The following TBC1D12 variants were observed in gnomAD, a reference collection of about 807,000 sequenced individuals.
TBC1D12 encodes the protein TBC1 domain family, member 12.
Under a neutral mutation model 86.7 loss-of-function variants are expected in TBC1D12, and 56 were observed. The observed-to-expected ratio is 0.65, with a 90% CI of 0.52 to 0.81. The LOEUF is 0.81. TBC1D12 is among the 30% of genes least tolerant of loss of function. The probability of loss-of-function intolerance (pLI) is 0.00; values close to 1 mark genes in which losing one functional copy is unlikely to be tolerated. For missense variants in TBC1D12, 1,023 were observed against 1,038.8 expected (o/e 0.98, Z 0.21); for synonymous variants, 421 against 411.7 (o/e 1.02, Z -0.27).
intron 1 of TBC1D12, among the ~76,000 whole-genome samples, chr10:94,405,046 C>G (rs1473252219): frequency 2.7e-5 from 3 of 112,338 alleles, no homozygotes; most frequent in South Asian, 2.9e-4. Flanking sequence ...AGACTTCTCT[C>G]AAAAAAAAAA....
intron 2 of TBC1D12, among the ~76,000 whole-genome samples, chr10:94,464,453 A>C (rs2055776860): frequency 6.6e-6 from 1 of 152,046 alleles, no homozygotes; most frequent in Non-Finnish European, 1.5e-5. Context: ...TCTTAGTCTC[A>C]TGATACCTTT....
At chr10:94,463,348 A>G (rs1347321473) in intron 2 of TBC1D12, among the ~76,000 whole-genome samples, 2 of 152,190 alleles carry the variant, frequency 1.3e-5, no homozygotes, top group African/African-American at 4.8e-5. Context: ...TCATCTGGTA[A>G]GAGTCCTCTT....
chr10:94,471,278 CA>C (rs556285067), intron 2 of TBC1D12, among the ~76,000 whole-genome samples: 4,346 of 65,976 alleles, frequency 0.066, 64 homozygotes, highest in Middle Eastern at 0.11. Context: ...TCTGTATCTC[CA>C]AAAAAAAAAA....
At chr10:94,520,037 A>G (rs1449888107) in intron 9 of TBC1D12, among the ~76,000 whole-genome samples, 1 of 152,236 alleles carries the variant, frequency 6.6e-6, no homozygotes, top group African/African-American at 2.4e-5. Context: ...AGAAAATCAA[A>G]TAGGCAATTA....
intron 1 of TBC1D12, among the ~76,000 whole-genome samples, chr10:94,438,751 G>T (rs1004941463): frequency 3.9e-5 from 6 of 151,964 alleles, no homozygotes; most frequent in African/African-American, 1.5e-4. Flanking sequence ...GGTTTGGTCA[G>T]TTCCTAGAGT....
At chr10:94,506,711 T>C (rs1430987951) in intron 6 of TBC1D12, among the ~76,000 whole-genome samples, 1 of 152,204 alleles carries the variant, frequency 6.6e-6, no homozygotes, top group Non-Finnish European at 1.5e-5. Flanking sequence ...GTGTGAAATA[T>C]AAGTAGCTTT....
intron 2 of TBC1D12, among the ~76,000 whole-genome samples, chr10:94,453,423 G>T (rs997221586): frequency 2.0e-5 from 3 of 152,128 alleles, no homozygotes; most frequent in Admixed American, 2.0e-4. Flanking sequence ...GTGTGTGAGA[G>T]AACACATTCA....
intron 1 of TBC1D12, among the ~76,000 whole-genome samples, chr10:94,408,853 C>CT (rs1564933436): frequency 6.6e-6 from 1 of 152,116 alleles, no homozygotes. Flanking sequence ...AAGTGGGCAG[C>CT]TTTTTAATAC....
At chr10:94,406,762 G>A (rs979857233) in intron 1 of TBC1D12, among the ~76,000 whole-genome samples, 4 of 152,204 alleles carry the variant, frequency 2.6e-5, no homozygotes, top group African/African-American at 9.7e-5. Flanking sequence ...TTTGGAAGTG[G>A]CTTGTTTGGG....
chr10:94,446,393 T>G (rs1433830288), intron 2 of TBC1D12, among the ~76,000 whole-genome samples: 1 of 152,148 alleles, frequency 6.6e-6, no homozygotes, highest in African/African-American at 2.4e-5. Flanking sequence ...AGCTGGTAAT[T>G]TAGGTGTGAA....
intron 1 of TBC1D12, among the ~76,000 whole-genome samples, chr10:94,434,074 C>T (rs2055258254): frequency 1.3e-5 from 2 of 152,146 alleles, no homozygotes; most frequent in African/African-American, 4.8e-5. Flanking sequence ...TGTGAATTGA[C>T]CCTAAGAAGG....
chr10:94,429,307 A>G (rs1019039621), intron 1 of TBC1D12, among the ~76,000 whole-genome samples: 4 of 151,942 alleles, frequency 2.6e-5, no homozygotes, highest in Admixed American at 2.6e-4. Flanking sequence ...TTTAATTTTT[A>G]GGATTTGTAA....
chr10:94,498,547 G>A (rs1237731242), intron 5 of TBC1D12, among the ~76,000 whole-genome samples: 1 of 151,902 alleles, frequency 6.6e-6, no homozygotes, highest in African/African-American at 2.4e-5. Context: ...TCTACCTCCT[G>A]GATTCAGACG....
At chr10:94,487,872 T>TG (rs1404812631) in intron 3 of TBC1D12, among the ~76,000 whole-genome samples, 1 of 121,546 alleles carries the variant, frequency 8.2e-6, no homozygotes, top group Non-Finnish European at 1.8e-5. Flanking sequence ...GGTTTTTTTT[T>TG]TGTTTTTTTA....
At chr10:94,529,823 CAATT>C (rs1441726679) in intron 11 of TBC1D12, among the ~76,000 whole-genome samples, 2 of 152,046 alleles carry the variant, frequency 1.3e-5, no homozygotes, top group African/African-American at 2.4e-5. Context: ...AGCAGGATCA[CAATT>C]GATGTGGGGG....
At chr10:94,454,355 G>GC (rs1270750998) in intron 2 of TBC1D12, among the ~76,000 whole-genome samples, 4 of 152,112 alleles carry the variant, frequency 2.6e-5, no homozygotes, top group Non-Finnish European at 4.4e-5. Flanking sequence ...GGGATTATAG[G>GC]CATGTGCCAC....
chr10:94,424,194 C>T, intron 1 of TBC1D12, among the ~76,000 whole-genome samples: 1 of 152,098 alleles, frequency 6.6e-6, no homozygotes, highest in East Asian at 1.9e-4. Context: ...CCACAGATAC[C>T]AAAGGACAAC....
At chr10:94,491,397 A>T (rs993921891) in intron 3 of TBC1D12, among the ~76,000 whole-genome samples, 1 of 152,198 alleles carries the variant, frequency 6.6e-6, no homozygotes, top group Admixed American at 6.5e-5. Flanking sequence ...GGACACTATT[A>T]TGATTATATT....
At chr10:94,503,179 A>G (rs1324593865) in intron 6 of TBC1D12, among the ~76,000 whole-genome samples, 5 of 152,196 alleles carry the variant, frequency 3.3e-5, no homozygotes, top group Admixed American at 1.3e-4. Context: ...TAATTTATTT[A>G]ACTGTTTTCC....
Sources: gnomAD v4.1 joint callset for allele counts (sites outside exome capture counted in the v4.1 genomes callset) on GRCh38, gnomAD v4.1.1 for gene constraint, MANE v1.5 for transcripts, NCBI Gene and HGNC (gene_info 2026-07-23, HGNC 2026-07-21) for gene names.